NPEPPS: variants seen among roughly 807,000 people sequenced by gnomAD.
The protein encoded by NPEPPS is puromycin-sensitive aminopeptidase.
In NPEPPS, 14 loss-of-function variants were observed where a neutral mutation model predicts 115.5. That is an observed-to-expected ratio of 0.12 (90% CI 0.08 to 0.19). The LOEUF is 0.19. Among genes scored for constraint, NPEPPS ranks in the 10% least tolerant of loss-of-function variants. NPEPPS has a pLI of 1.00. For missense variants in NPEPPS, 523 were observed against 1,110.8 expected (o/e 0.47, Z 7.52); for synonymous variants, 285 against 390.6 (o/e 0.73, Z 3.19).
At chr17:47,618,232 TTACC>T in intron 19 of NPEPPS, 114 bp from the exon 20 acceptor site, 1 of 645,694 alleles carries the variant, frequency 1.5e-6, no homozygotes, top group Non-Finnish European at 2.7e-6. Context: ...CCTGCCATTC[TTACC>T]TAGTGAGAAT....
chr17:47,559,673 T>C (rs965495751), intron 2 of NPEPPS: 15 of 455,390 alleles, frequency 3.3e-5, no homozygotes, highest in African/African-American at 2.6e-4. Flanking sequence ...CTTTTCTTCT[T>C]GTTCATCTTT....
At chr17:47,534,378 G>A (rs1454014559) in intron 1 of NPEPPS, among the ~76,000 whole-genome samples, 1 of 151,878 alleles carries the variant, frequency 6.6e-6, no homozygotes, top group Non-Finnish European at 1.5e-5. Context: ...TGTGCCCGGC[G>A]ACAAAATTCT....
At chr17:47,600,534 C>T (rs1913130547) in intron 14 of NPEPPS, among the ~76,000 whole-genome samples, 1 of 152,180 alleles carries the variant, frequency 6.6e-6, no homozygotes, top group African/African-American at 2.4e-5. Flanking sequence ...ACCTATAATC[C>T]ACATTGTAGT....
intron 1 of NPEPPS, among the ~76,000 whole-genome samples, chr17:47,541,414 T>C (rs1164176427): frequency 6.6e-6 from 1 of 152,014 alleles, no homozygotes; most frequent in Non-Finnish European, 1.5e-5. Context: ...CTTGCTTTTG[T>C]CGCCCAGGTT....
chr17:47,618,444 C>A lies in NPEPPS; in HGVS notation c.2390C>A (p.Thr797Lys). 1 of 1,612,170 alleles carries A rather than the reference C, an allele frequency of 6.2e-7. No homozygotes were observed. Among genetic ancestry groups the A allele is most frequent in the Non-Finnish European group, 8.5e-7 (1 of 1,178,338 alleles). The change falls in exon 20 of 23, where the codon ACG becomes AAG. Residue 797 changes from threonine to lysine, a missense_variant. This residue lies in a region of NPEPPS where 372 missense variants were observed against 542.6 expected (regional missense o/e 0.69). Transcript: ENST00000322157. ...CCTGACCTGATTCAAAAAGTCCTCA[C>A]GTTTGCACTTTCAGTAAGTTACGGT... is the stretch of plus-strand genomic sequence containing the variant. ...LLPDLIQKVL[T>K]FALSEEVRPQ... is the part of the protein sequence containing the mutation.
intron 3 of NPEPPS, among the ~76,000 whole-genome samples, chr17:47,571,667 G>C (rs1243074934): frequency 6.6e-6 from 1 of 152,094 alleles, no homozygotes; most frequent in Non-Finnish European, 1.5e-5. Flanking sequence ...GCAGTGAGCC[G>C]AGATCGCACC....
intron 19 of NPEPPS, among the ~76,000 whole-genome samples, chr17:47,617,988 C>T (rs964813972): frequency 6.6e-6 from 1 of 152,200 alleles, no homozygotes; most frequent in African/African-American, 2.4e-5. Context: ...ATTCTCCCGC[C>T]TCGGCCTCCC....
At chr17:47,606,345 A>G (rs1449256416) in intron 17 of NPEPPS, among the ~76,000 whole-genome samples, 1 of 152,092 alleles carries the variant, frequency 6.6e-6, no homozygotes, top group Non-Finnish European at 1.5e-5. Flanking sequence ...TTTACATATC[A>G]TTATTTTTTA....
At chr17:47,570,965 A>G (rs1365418617) in intron 3 of NPEPPS, among the ~76,000 whole-genome samples, 2 of 152,246 alleles carry the variant, frequency 1.3e-5, no homozygotes, top group African/African-American at 2.4e-5. Flanking sequence ...AGGAAAAGTC[A>G]TAAATACAGA....
intron 2 of NPEPPS, among the ~76,000 whole-genome samples, chr17:47,556,914 T>C (rs1269454616): frequency 6.6e-6 from 1 of 152,218 alleles, no homozygotes; most frequent in African/African-American, 2.4e-5. Flanking sequence ...AGTGCCGGGA[T>C]TACAGGCATG....
At chr17:47,610,452 C>T (rs577742545) in intron 17 of NPEPPS, among the ~76,000 whole-genome samples, 94 of 151,388 alleles carry the variant, frequency 6.2e-4, no homozygotes, top group Non-Finnish European at 1.2e-3. Flanking sequence ...GGTGCGATCT[C>T]GGCTCACTGC....
chr17:47,573,058 G>T (rs527710396), intron 3 of NPEPPS, among the ~76,000 whole-genome samples: 2 of 152,344 alleles, frequency 1.3e-5, no homozygotes, highest in East Asian at 3.9e-4. Context: ...TTACAGGCGT[G>T]TGCCACTGTG....
At chr17:47,538,202 C>CTTTTTTTTTTTTTTTTTTTTTTTTTTTT (rs543559258) in intron 1 of NPEPPS, among the ~76,000 whole-genome samples, 4 of 58,498 alleles carry the variant, frequency 6.8e-5, no homozygotes, top group Non-Finnish European at 1.0e-4. Flanking sequence ...CATATCTGTT[C>CTTTTTTTTTTTTTTTTTTTTTTTTTTTT]TTTTTTTTTT....
Position 47,622,011 on chromosome 17 carries a change from G to A in NPEPPS, c.*91G>A, listed in dbSNP as rs1914604606. 2.8e-6 allele frequency: 4 copies of A among 1,409,206 alleles called. No homozygotes were observed. The South Asian group carries it at 6.5e-5, about 23-fold the overall frequency. The allele number at this position is 1,409,206 out of a possible 1,614,324, so 87.3% of individuals were successfully genotyped here. ...AGCTGATTCATATGCCAAGAATTTG[G>A]AGTCTTCTTTCAAACCAGTGGGGGT... On this transcript the variant is annotated 3_prime_UTR_variant, in exon 23 of 23. Coordinates refer to ENST00000322157, the MANE Select transcript of NPEPPS (RefSeq NM_006310.4).
chr17:47,610,845 CTTTTTTTTTTTTTTT>C (rs59893483), intron 17 of NPEPPS, among the ~76,000 whole-genome samples: 2 of 100,118 alleles, frequency 2.0e-5, no homozygotes, highest in Non-Finnish European at 2.0e-5. Flanking sequence ...TATGATGACT[CTTTTTTTTTTTTTTT>C]TTTTTTTTTT....
At chr17:47,569,866 A>G (rs113385861) in intron 3 of NPEPPS, among the ~76,000 whole-genome samples, 1 of 151,766 alleles carries the variant, frequency 6.6e-6, no homozygotes, top group Admixed American at 6.6e-5. Context: ...CGATCTGCCC[A>G]CCCTGGCCTC....
intron 14 of NPEPPS, among the ~76,000 whole-genome samples, chr17:47,600,942 G>A (rs992308750): frequency 6.6e-6 from 1 of 152,112 alleles, no homozygotes; most frequent in Non-Finnish European, 1.5e-5. Flanking sequence ...ATATATGAAG[G>A]CTGGGCGCAG....
intron 2 of NPEPPS, among the ~76,000 whole-genome samples, chr17:47,563,605 CTGT>C (rs1910592937): frequency 6.6e-6 from 1 of 151,728 alleles, no homozygotes; most frequent in African/African-American, 2.4e-5. Flanking sequence ...GAGTCTTGCT[CTGT>C]TGCCCAGGCT....
intron 12 of NPEPPS, among the ~76,000 whole-genome samples, chr17:47,593,252 T>C (rs183858216): frequency 5.5e-4 from 84 of 152,298 alleles, no homozygotes; most frequent in Non-Finnish European, 1.0e-3. Context: ...TTTCCATAAC[T>C]GAGTATTTTG....
Sources: allele counts gnomAD v4.1 joint callset (sites outside exome capture counted in the v4.1 genomes callset), GRCh38; gene constraint gnomAD v4.1.1; regional missense constraint gnomAD v4.1.1; transcripts MANE v1.5; gene names NCBI Gene and HGNC (gene_info 2026-07-23, HGNC 2026-07-21).